The following ZNF316 variants were observed in gnomAD, a reference collection of about 807,000 sequenced individuals.
The protein encoded by ZNF316 is zinc finger protein 316.
In ZNF316, 23 loss-of-function variants were observed where a neutral mutation model predicts 75.6. The ratio of observed to expected loss-of-function variants is 0.30; its 90% CI spans 0.22 to 0.43. The LOEUF is 0.43. Among genes scored for constraint, ZNF316 ranks in the 20% least tolerant of loss-of-function variants. ZNF316 has a pLI of 1.00. For missense variants in ZNF316, 1,266 were observed against 1,409.4 expected (o/e 0.90, Z 1.63); for synonymous variants, 827 against 666.2 (o/e 1.24, Z -3.72).
Position 6,653,937 on chromosome 7 carries a change from G to T in ZNF316, c.2341G>T (p.Gly781Cys). The T allele has an allele frequency of 8.7e-7, 1 of 1,149,444 alleles. No individual in the cohort carries two copies. The highest frequency in any genetic ancestry group is 1.1e-6 in the Non-Finnish European group (1 of 935,742). The allele number at this position is 1,149,444 out of a possible 1,614,324, so 71.2% of individuals were successfully genotyped here. The change falls in exon 9 of 9, where the codon GGT becomes TGT. Residue 781 changes from glycine to cysteine, a missense_variant. Transcript: ENST00000382252. Reference sequence around the variant, plus strand: ...GAAGCCGTTCGTGTGCGGCGTGTGCGGTGCGGGGTTCAGCCGTCGCGCGCA... The same window carrying T: ...GAAGCCGTTCGTGTGCGGCGTGTGCTGTGCGGGGTTCAGCCGTCGCGCGCA... Reference protein sequence around the residue: ...GEKPFVCGVCGAGFSRRAHLT... With the variant: ...GEKPFVCGVCCAGFSRRAHLT...
intron 8 of ZNF316, among the ~76,000 whole-genome samples, chr7:6,648,326 G>A (rs1316089242): frequency 1.3e-5 from 2 of 152,166 alleles, no homozygotes. Context: ...AGCCTCAAGA[G>A]GAAAGGCCTT....
At position 6,653,158 on chromosome 7, in the gene ZNF316, C is replaced by T. The variant is rs2115320061; in HGVS notation, c.1562C>T (p.Pro521Leu). The change falls in exon 9 of 9, where the codon CCC becomes CTC. Residue 521 changes from proline (P) to leucine (L), a missense_variant. Transcript: ENST00000382252. ...EAGGDGPRRE[P>L]GETAAAAGPE... Reference sequence around the variant, plus strand: ...GGTGGTGACGGCCCCCGGCGGGAGCCCGGCGAGACGGCGGCCGCCGCGGGG... The same window carrying T: ...GGTGGTGACGGCCCCCGGCGGGAGCTCGGCGAGACGGCGGCCGCCGCGGGG... 6.7e-6 allele frequency: 8 copies of T among 1,189,586 alleles called. No homozygotes were observed. Among genetic ancestry groups the T allele is most frequent in the South Asian group, 8.3e-5 (2 of 24,038 alleles). The allele number at this position is 1,189,586 out of a possible 1,614,324, so 73.7% of individuals were successfully genotyped here.
intron 8 of ZNF316, among the ~76,000 whole-genome samples, chr7:6,648,888 G>A (rs939501760): frequency 2.0e-5 from 3 of 152,192 alleles, no homozygotes; most frequent in Middle Eastern, 3.4e-3. Flanking sequence ...CTCTAAAGAC[G>A]CCACTCATGC....
At position 6,653,446 on chromosome 7, in the gene ZNF316, G is replaced by T; in HGVS notation, c.1850G>T (p.Gly617Val). ...CACCCGGACAGCTTCCCGATCCTGG[G>T]CCTACCCGACTTCCGAGAGCGGCTG... is the stretch of plus-strand genomic sequence containing the variant. The part of the protein sequence containing the change: ...WLHPDSFPIL[G>V]LPDFRERLPV... The change falls in exon 9 of 9, where the codon GGC (glycine) becomes GTC (valine). Residue 617 changes from glycine to valine, a missense_variant. Physicochemically the swap from Gly to Val is moderately radical, Grantham distance 109. This residue lies in a region of ZNF316 where 961 missense variants were observed against 990.9 expected (regional missense o/e 0.97). Transcript: ENST00000382252. 8 of 1,227,910 alleles carry T rather than the reference G, an allele frequency of 6.5e-6. No individual in the cohort carries two copies. The highest frequency in any genetic ancestry group is 8.1e-6 in the Non-Finnish European group (8 of 985,814). The allele number at this position is 1,227,910 out of a possible 1,614,324, so 76.1% of individuals were successfully genotyped here.
At chr7:6,649,491 C>G (rs2250356) in intron 8 of ZNF316, among the ~76,000 whole-genome samples, 90,180 of 152,078 alleles carry the variant, frequency 0.59, 27,976 homozygotes, top group East Asian at 0.94. Context: ...ATCTGGAAAA[C>G]GGCTTTGGAT....
chr7:6,657,311 CAAAAAAAAAAAAAA>C lies in ZNF316; in HGVS notation c.*2714_*2727del, dbSNP rs33942632. Among the ~76,000 whole-genome samples the C allele has an allele frequency of 4.6e-5, 3 of 65,204 alleles. No individual in the cohort carries two copies. Among genetic ancestry groups the C allele is most frequent in the East Asian group, 5.9e-4 (1 of 1,700 alleles). 42.8% of individuals were successfully genotyped at this position (65,204 alleles called of 152,430 possible). A position where few individuals can be genotyped will look rare whatever the true frequency, so the allele number is the denominator to read the frequency against. On this transcript the variant is annotated 3_prime_UTR_variant, in exon 9 of 9. Transcript: ENST00000382252. ...GCCCGGCCAGAGCAACCTAATATTT[CAAAAAAAAAAAAAA>C]AAAAAAAAAAAAAGCCGGGCATAGT...
rs1197361388 is a variant in ZNF316, at chr7:6,653,600, C to T, written c.2004C>T (p.Phe668=). ...GCGGCGGAGGCGGCCTGCGCGCGTT[C>T]GGGCCCGCCATCGGGGGTCTGCTGG... ...AAGGGGGLRA[F]GPAIGGLLAE... The change falls in exon 9 of 9, where the codon TTC becomes TTT. Residue 668 remains phenylalanine, a synonymous_variant. Transcript: ENST00000382252. 9.4e-6 allele frequency: 10 copies of T among 1,063,484 alleles called. No homozygotes were observed. The highest frequency in any genetic ancestry group is 5.5e-5 in the Admixed American group (1 of 18,094). The allele number at this position is 1,063,484 out of a possible 1,614,324, so 65.9% of individuals were successfully genotyped here.
At position 6,642,550 on chromosome 7, in the gene ZNF316, G is replaced by A; in HGVS notation, c.141G>A (p.Glu47=). 8.2e-7 allele frequency: 1 copy of A among 1,220,476 alleles called. No homozygotes were observed. The highest frequency in any genetic ancestry group is 1.0e-6 in the Non-Finnish European group (1 of 976,330). The allele number at this position is 1,220,476 out of a possible 1,614,324, so 75.6% of individuals were successfully genotyped here. A position where few individuals can be genotyped will look rare whatever the true frequency, so the allele number is the denominator to read the frequency against. ...KGEEVQEVEE[E]EEEIVVEEEE... ...AAGAGGTGCAGGAGGTGGAAGAAGA[G>A]GAGGAGGAGATAGTGGTGGAGGAGG... The change falls in exon 5 of 9, where the codon GAG becomes GAA. Residue 47 remains glutamate (E), a synonymous_variant. Transcript: ENST00000382252. This position sits in a 1 kb window ranked among gnomAD's most constrained non-coding sequence, Gnocchi z 8.1.
In ZNF316 at chr7:6,642,842, A is replaced by T; in HGVS notation, c.355+78A>T. The T allele has an allele frequency of 4.1e-6, 5 of 1,231,972 alleles. No individual in the cohort carries two copies. Among genetic ancestry groups the T allele is most frequent in the Non-Finnish European group, 5.1e-6 (5 of 987,840 alleles). 76.3% of individuals were successfully genotyped at this position (1,231,972 alleles called of 1,614,324 possible). ...AGGCCAGGGACCTGGTCAAGCCAGG[A>T]GGGCTCTTGGGCCGACAGGGTGGAG... On this transcript the variant is annotated intron_variant, in intron 5 of 8. Coordinates refer to ENST00000382252, the MANE Select transcript of ZNF316 (RefSeq NM_001278559.2). The surrounding 1 kb of genome is among the most constrained non-coding windows in gnomAD (Gnocchi z 8.1).
At position 6,652,451 on chromosome 7, in the gene ZNF316, C is replaced by G. The variant is rs558639787; in HGVS notation, c.855C>G (p.Pro285=). The change falls in exon 9 of 9, where the codon CCC becomes CCG. Residue 285 remains proline, a synonymous_variant. Transcript: ENST00000382252. Reference sequence around the variant, plus strand: ...GGGACGTGCCTGGGACGTGGGGGCCCGACGACTCGGATTCGGCGCAGACTC... The same window carrying G: ...GGGACGTGCCTGGGACGTGGGGGCCGGACGACTCGGATTCGGCGCAGACTC... The part of the protein sequence containing the change: ...GVGDVPGTWG[P]DDSDSAQTPE... 5.1e-5 allele frequency: 63 copies of G among 1,231,864 alleles called. No individual in the cohort carries two copies. In the African/African-American group the frequency reaches 9.5e-4, roughly 18 times the overall value. 76.3% of individuals were successfully genotyped at this position (1,231,864 alleles called of 1,614,324 possible). A position where few individuals can be genotyped will look rare whatever the true frequency, so the allele number is the denominator to read the frequency against.
Position 6,654,509 on chromosome 7 carries a change from C to T in ZNF316, c.2913C>T (p.Arg971=), listed in dbSNP as rs1455805902. 7 of 1,176,356 alleles carry T rather than the reference C, an allele frequency of 6.0e-6. No homozygotes were observed. The highest frequency in any genetic ancestry group is 7.3e-6 in the Non-Finnish European group (7 of 952,580). 72.9% of individuals were successfully genotyped at this position (1,176,356 alleles called of 1,614,324 possible). Residue 971 remains arginine (R), a synonymous_variant, in exon 9 of 9, where the codon CGC becomes CGT. Coordinates refer to ENST00000382252, the MANE Select transcript of ZNF316 (RefSeq NM_001278559.2). The part of the protein sequence containing the change: ...KGPSSAGPGE[R]GSALLEFAGG... Reference sequence around the variant, plus strand: ...CGTCCAGTGCCGGCCCCGGTGAGCGCGGCAGCGCCCTGCTGGAGTTCGCGG... The same window carrying T: ...CGTCCAGTGCCGGCCCCGGTGAGCGTGGCAGCGCCCTGCTGGAGTTCGCGG...
intron 8 of ZNF316, among the ~76,000 whole-genome samples, 188 bp from the exon 9 acceptor site, chr7:6,652,115 C>A (rs955907743): frequency 6.6e-6 from 1 of 152,172 alleles, no homozygotes; most frequent in Non-Finnish European, 1.5e-5. Flanking sequence ...TCCTGCCTTG[C>A]GGCTGTTCAG....
rs1281459350 is a variant in ZNF316 at position 6,654,161 on chromosome 7, C to T, written c.2565C>T (p.Gly855=). 8 of 1,222,608 alleles carry T rather than the reference C, an allele frequency of 6.5e-6. No homozygotes were observed. In the East Asian group the frequency reaches 1.0e-4, roughly 15 times the overall value. 75.7% of individuals were successfully genotyped at this position (1,222,608 alleles called of 1,614,324 possible). ...DFKRHRRTHT[G]EKPFRCADCG... is the part of the protein sequence containing the mutation. ...AGCGGCATCGGCGCACGCACACGGG[C>T]GAGAAGCCCTTCCGCTGCGCCGACT... The change falls in exon 9 of 9, where the codon GGC becomes GGT. Residue 855 remains glycine (G), a synonymous_variant. Coordinates refer to ENST00000382252, the MANE Select transcript of ZNF316 (RefSeq NM_001278559.2).
In ZNF316 at chr7:6,637,447, G is replaced by A. The variant is rs1779234415; in HGVS notation, c.-431G>A. 6.8e-6 allele frequency: 1 copy of A among 146,438 alleles called. No homozygotes were observed. 9.1% of individuals were successfully genotyped at this position (146,438 alleles called of 1,614,324 possible). Reference sequence around the variant, plus strand: ...GTGGCTCGGCCAGCCCGGCCCGCGCGGTGAGTGGGTCTCGCGGGGCCGGTG... The same window carrying A: ...GTGGCTCGGCCAGCCCGGCCCGCGCAGTGAGTGGGTCTCGCGGGGCCGGTG... On this transcript the variant is annotated splice_region_variant and 5_prime_UTR_variant, in exon 1 of 9. Transcript: ENST00000382252. The surrounding 1 kb of genome is among the most constrained non-coding windows in gnomAD (Gnocchi z 6.2).
At chr7:6,647,125 G>A (rs370009550) in intron 8 of ZNF316, among the ~76,000 whole-genome samples, 4 of 152,334 alleles carry the variant, frequency 2.6e-5, no homozygotes, top group South Asian at 2.1e-4. Flanking sequence ...GGCCTGGCGG[G>A]CCAGCCCTGT....
rs978291103 is a variant in ZNF316, at chr7:6,643,095, G to C, written c.465+22G>C. ...TCAGGTGAGCCGCCCTCTCCGTTTGGGGCTTGGGTAACCTGGGCAGGGTTT... is the reference window on the plus strand; with the variant it reads ...TCAGGTGAGCCGCCCTCTCCGTTTGCGGCTTGGGTAACCTGGGCAGGGTTT... On this transcript the variant is annotated intron_variant, in intron 6 of 8. Transcript: ENST00000382252. 1.4e-5 allele frequency: 17 copies of C among 1,233,214 alleles called. No individual in the cohort carries two copies. The African/African-American group carries it at 2.6e-4, about 19-fold the overall frequency. The allele number at this position is 1,233,214 out of a possible 1,614,324, so 76.4% of individuals were successfully genotyped here. A position where few individuals can be genotyped will look rare whatever the true frequency, so the allele number is the denominator to read the frequency against.
Position 6,654,391 on chromosome 7 carries a change from C to T in ZNF316, c.2795C>T (p.Thr932Ile). 1.6e-6 allele frequency: 2 copies of T among 1,217,032 alleles called. No individual in the cohort carries two copies. The highest frequency in any genetic ancestry group is 2.0e-6 in the Non-Finnish European group (2 of 978,548). The allele number at this position is 1,217,032 out of a possible 1,614,324, so 75.4% of individuals were successfully genotyped here. Residue 932 changes from threonine (T) to isoleucine (I), a missense_variant, in exon 9 of 9, where the codon ACC becomes ATC. Thr to Ile is a moderately conservative substitution (Grantham distance 89, BLOSUM62 -1). Transcript: ENST00000382252. ...RRFSQSSHLL[T>I]HMKTHRGATA... is the part of the protein sequence containing the mutation. ...TTCTCGCAGAGCTCGCACTTGCTCA[C>T]CCACATGAAGACGCACCGCGGAGCC...
intron 2 of ZNF316, among the ~76,000 whole-genome samples, chr7:6,638,387 G>T (rs1207524430): frequency 6.6e-6 from 1 of 152,176 alleles, no homozygotes; most frequent in African/African-American, 2.4e-5. Flanking sequence ...AGACCCGAAG[G>T]GCTCTGAGGG....
chr7:6,657,825 T>C lies in ZNF316; in HGVS notation c.*3214T>C, dbSNP rs1200345307. 1.1e-5 allele frequency among the ~76,000 whole-genome samples: 1 copy of C among 91,124 alleles called. No homozygotes were observed. Among genetic ancestry groups the C allele is most frequent in the African/African-American group, 4.3e-5 (1 of 23,026 alleles). The allele number at this position is 91,124 out of a possible 152,430, so 59.8% of individuals were successfully genotyped here. A position where few individuals can be genotyped will look rare whatever the true frequency, so the allele number is the denominator to read the frequency against. ...GCCTGGGTGACAGAACAAGACCCTA[T>C]CTCACCAAAAAAAAAAAAAAAAAAA... On this transcript the variant is annotated 3_prime_UTR_variant, in exon 9 of 9. Transcript: ENST00000382252.
Sources: gnomAD v4.1 joint callset for allele counts (sites outside exome capture counted in the v4.1 genomes callset) on GRCh38, gnomAD v4.1.1 for gene constraint, gnomAD v4.1.1 regional missense constraint, Gnocchi (gnomAD v3.1) non-coding constraint, MANE v1.5 for transcripts, NCBI Gene and HGNC (gene_info 2026-07-23, HGNC 2026-07-21) for gene names.